Variants in ADAMTS16 observed in about 807,000 individuals in gnomAD.
ADAMTS16 encodes the protein A disintegrin and metalloproteinase with thrombospondin motifs 16.
Under a neutral mutation model 145.8 loss-of-function variants are expected in ADAMTS16, and 94 were observed. The observed-to-expected ratio is 0.64, with a 90% CI of 0.55 to 0.77. The LOEUF (loss-of-function observed/expected upper bound fraction) is 0.77, where lower values mean the gene tolerates loss of function less well. Ranked by LOEUF, ADAMTS16 falls within the 30% of genes least tolerant of loss-of-function variation. The pLI, the probability that ADAMTS16 is intolerant of heterozygous loss-of-function variation, is 0.00. For synonymous variants in ADAMTS16, 659 were observed against 604.3 expected (o/e 1.09, Z -1.33); for missense variants, 1,585 against 1,591.5 (o/e 1.00, Z 0.07).
chr5:5,305,164 TATC>T (rs1579406106), intron 20 of ADAMTS16, among the ~76,000 whole-genome samples: 50 of 20,114 alleles, frequency 2.5e-3, no homozygotes, highest in East Asian at 4.8e-3. Flanking sequence ...CACACACACA[TATC>T]CCACACCACA....
At chr5:5,192,479 G>T (rs1735689266) in intron 8 of ADAMTS16, among the ~76,000 whole-genome samples, 1 of 152,124 alleles carries the variant, frequency 6.6e-6, no homozygotes, top group Non-Finnish European at 1.5e-5. Context: ...AATTTATAGA[G>T]ATGCTATTTT....
intron 3 of ADAMTS16, among the ~76,000 whole-genome samples, chr5:5,156,996 C>A (rs1734621183): frequency 6.6e-6 from 1 of 152,162 alleles, no homozygotes; most frequent in Admixed American, 6.5e-5. Flanking sequence ...ATCCTCCATC[C>A]CCAGTGATTC....
At chr5:5,207,065 A>G (rs1303025140) in intron 9 of ADAMTS16, among the ~76,000 whole-genome samples, 1 of 152,190 alleles carries the variant, frequency 6.6e-6, no homozygotes. Flanking sequence ...CTTTGGAATC[A>G]GTTTGTTTAT....
intron 7 of ADAMTS16, 82 bp downstream of exon 7, chr5:5,190,212 T>C: frequency 1.4e-6 from 2 of 1,426,624 alleles, no homozygotes; most frequent in Non-Finnish European, 1.9e-6. Context: ...ATTTTTGCCC[T>C]TGTTCCTTGT....
At chr5:5,239,119 A>G (rs1233123690) in intron 14 of ADAMTS16, 32 bp from the exon 15 acceptor site, 4 of 1,464,440 alleles carry the variant, frequency 2.7e-6, no homozygotes, top group African/African-American at 2.9e-5. Flanking sequence ...CCTTTCTTTC[A>G]TGAATGACAT....
Position 5,146,327 on chromosome 5 carries a change from G to A in ADAMTS16, c.373G>A (p.Val125Met), listed in dbSNP as rs75131558. ...CAGCCTAGTGGCTCCTGGCTTTATT[G>A]TGCAGACGTTGGGAAAGACAGGCAC... ...SSSLVAPGFI[V>M]QTLGKTGTKS... Residue 125 changes from valine (V) to methionine (M), a missense_variant, in exon 3 of 23, where the codon GTG (valine) becomes ATG (methionine). Transcript: ENST00000274181. 2.5e-6 allele frequency: 4 copies of A among 1,614,050 alleles called. No homozygotes were observed. The Admixed American group carries it at 6.7e-5, about 27-fold the overall frequency.
At chr5:5,149,899 T>G (rs1734403155) in intron 3 of ADAMTS16, among the ~76,000 whole-genome samples, 1 of 152,244 alleles carries the variant, frequency 6.6e-6, no homozygotes, top group Non-Finnish European at 1.5e-5. Flanking sequence ...TTTTTATTGC[T>G]GAAGTATACC....
intron 18 of ADAMTS16, among the ~76,000 whole-genome samples, chr5:5,293,365 C>T (rs1032247615): frequency 4.6e-5 from 7 of 152,150 alleles, no homozygotes; most frequent in Admixed American, 4.6e-4. Flanking sequence ...TGGCTTCCTA[C>T]CCAGGATGAA....
At chr5:5,147,813 G>T (rs775377355) in intron 3 of ADAMTS16, among the ~76,000 whole-genome samples, 3 of 152,226 alleles carry the variant, frequency 2.0e-5, no homozygotes, top group Non-Finnish European at 2.9e-5. Context: ...GTGGCAGCGA[G>T]GTGTGCCTTG....
chr5:5,181,703 C>T (rs909011845), intron 3 of ADAMTS16, among the ~76,000 whole-genome samples: 2 of 152,162 alleles, frequency 1.3e-5, no homozygotes, highest in African/African-American at 4.8e-5. Flanking sequence ...TAAGTGTGCA[C>T]GTGTTCTTTC....
At position 5,302,308 on chromosome 5, in the gene ADAMTS16, C is replaced by T. The variant is rs554267577; in HGVS notation, c.2790-960C>T. On this transcript the variant is annotated intron_variant, in intron 18 of 22. Transcript: ENST00000274181. ...TACTTTAATCACCAGGAAAGAAAAA[C>T]ACATTTACAAGCATCAACAGCTGCT... 8.5e-4 allele frequency among the ~76,000 whole-genome samples: 130 copies of T among 152,334 alleles called. 1 individual carries two copies. Among genetic ancestry groups the T allele is most frequent in the South Asian group, 2.1e-3 (10 of 4,828 alleles).
chr5:5,225,773 G>C (rs1238408952), intron 11 of ADAMTS16, among the ~76,000 whole-genome samples: 2 of 152,180 alleles, frequency 1.3e-5, no homozygotes, highest in African/African-American at 2.4e-5. Context: ...AAAACATAGA[G>C]TAGAGGAAGC....
chr5:5,180,364 T>G (rs1735308517), intron 3 of ADAMTS16, among the ~76,000 whole-genome samples: 1 of 152,230 alleles, frequency 6.6e-6, no homozygotes, highest in Admixed American at 6.5e-5. Flanking sequence ...TAGAGCAATA[T>G]GTAATAACAT....
intron 2 of ADAMTS16, among the ~76,000 whole-genome samples, chr5:5,145,832 C>T (rs192054539): frequency 1.6e-4 from 25 of 152,272 alleles, no homozygotes; most frequent in African/African-American, 5.8e-4. Context: ...AGGTGAGGAG[C>T]ATGCCCCTGA....
intron 12 of ADAMTS16, among the ~76,000 whole-genome samples, chr5:5,234,328 C>T (rs770066683): frequency 1.3e-5 from 2 of 152,224 alleles, no homozygotes; most frequent in African/African-American, 2.4e-5. Flanking sequence ...AGTCATTGAA[C>T]TTCCCTCTGA....
intron 3 of ADAMTS16, among the ~76,000 whole-genome samples, chr5:5,151,593 T>C (rs1734458828): frequency 6.9e-6 from 1 of 144,604 alleles, no homozygotes; most frequent in South Asian, 2.2e-4. Flanking sequence ...AACATGATGT[T>C]TATACACACA....
At chr5:5,295,028 C>T (rs547668336) in intron 18 of ADAMTS16, among the ~76,000 whole-genome samples, 1 of 152,334 alleles carries the variant, frequency 6.6e-6, no homozygotes, top group East Asian at 1.9e-4. Flanking sequence ...CACACACATA[C>T]CTGAAACATT....
At chr5:5,262,879 G>T in intron 18 of ADAMTS16, 96 bp downstream of exon 18, 1 of 1,533,336 alleles carries the variant, frequency 6.5e-7, no homozygotes, top group Non-Finnish European at 8.8e-7. Flanking sequence ...AGTGCTGATT[G>T]CCATCATGTC....
At position 5,235,174 on chromosome 5, in the gene ADAMTS16, A is replaced by C; in HGVS notation, c.2011A>C (p.Thr671Pro). 4 of 1,571,050 alleles carry C rather than the reference A, an allele frequency of 2.5e-6. No individual in the cohort carries two copies. Among genetic ancestry groups the C allele is most frequent in the Non-Finnish European group, 3.5e-6 (4 of 1,148,256 alleles). The change falls in exon 13 of 23, where the codon ACT becomes CCT. Residue 671 changes from threonine to proline, a missense_variant. This residue lies in a region of ADAMTS16 where 834 missense variants were observed against 811.7 expected (regional missense o/e 1.03). Coordinates refer to ENST00000274181, the MANE Select transcript of ADAMTS16 (RefSeq NM_139056.4). ...GCGGCACTACAAGTGGAAGCCTTAC[A>C]CTCAAGTAGAAGGTAAATCTCAAAC... The part of the protein sequence containing the change: ...RGRHYKWKPY[T>P]QVEDQDLCKL...
Sources: allele counts gnomAD v4.1 joint callset (sites outside exome capture counted in the v4.1 genomes callset), GRCh38; gene constraint gnomAD v4.1.1; regional missense constraint gnomAD v4.1.1; transcripts MANE v1.5; gene names NCBI Gene and HGNC (gene_info 2026-07-23, HGNC 2026-07-21).